The following DNASE1L1 variants were observed in gnomAD, a reference collection of about 807,000 sequenced individuals.
DNASE1L1 encodes deoxyribonuclease-1-like 1.
In DNASE1L1, 8 loss-of-function variants were observed where a neutral mutation model predicts 18.6. The observed-to-expected ratio is 0.43, with a 90% CI of 0.25 to 0.78. The LOEUF is 0.78. Among genes scored for constraint, DNASE1L1 ranks in the 30% least tolerant of loss-of-function variants. The pLI, the probability that DNASE1L1 is intolerant of heterozygous loss-of-function variation, is 0.23. For synonymous variants in DNASE1L1, 114 were observed against 114.2 expected (o/e 1.00, Z 0.01); for missense variants, 214 against 258.2 (o/e 0.83, Z 1.17).
chrX:154,403,658 C>A, intron 4 of DNASE1L1, 36 bp from the exon 5 acceptor site: 2 of 1,167,904 alleles, frequency 1.7e-6, no homozygotes, highest in Non-Finnish European at 2.3e-6. Flanking sequence ...AGTGGCCCCA[C>A]GTCTTTGATT....
chrX:154,409,463 T>C, upstream of DNASE1L1: 1 of 128,411 alleles, frequency 7.8e-6, no homozygotes, highest in South Asian at 2.0e-4. Context: ...GGTGCCTGAG[T>C]GAGACCCCGA....
At chrX:154,408,848 A>G in intron 1 of DNASE1L1, 3 of 134,348 alleles carry the variant, frequency 2.2e-5, no homozygotes, top group Non-Finnish European at 4.5e-5. Flanking sequence ...TGGGTTCCCT[A>G]CCCTGGTGCC....
intron 4 of DNASE1L1, 58 bp downstream of exon 4, chrX:154,404,770 C>T: frequency 9.0e-7 from 1 of 1,107,148 alleles, no homozygotes; most frequent in Non-Finnish European, 1.2e-6. Flanking sequence ...ATGAGCCTAC[C>T]TCACATTAGG....
upstream of DNASE1L1, chrX:154,411,771 G>C (rs991769534): frequency 2.8e-5 from 28 of 990,062 alleles, no homozygotes; most frequent in Non-Finnish European, 3.4e-5. Flanking sequence ...TCGAGCGGTC[G>C]AGGTCGCAGA....
At chrX:154,407,482 G>A (rs1314320643) in intron 1 of DNASE1L1, among the ~76,000 whole-genome samples, 8 of 106,020 alleles carry the variant, frequency 7.5e-5, no homozygotes, top group Non-Finnish European at 1.4e-4. Flanking sequence ...CAGGTGATCA[G>A]CCGGCCTTGG....
intron 2 of DNASE1L1, 43 bp downstream of exon 2, chrX:154,405,391 C>T: frequency 8.7e-7 from 1 of 1,155,900 alleles, no homozygotes; most frequent in East Asian, 3.1e-5. Context: ...GGCTTTGGCT[C>T]ATGGTGGTTA....
chrX:154,401,745 T>G lies in DNASE1L1; in HGVS notation c.*962A>C, dbSNP rs2068041620. The G allele has an allele frequency of 8.9e-6, 1 of 112,419 alleles. No individual in the cohort carries two copies. Among genetic ancestry groups the G allele is most frequent in the South Asian group, 3.6e-4 (1 of 2,752 alleles). The allele number at this position is 112,419 out of a possible 1,213,427, so 9.3% of individuals were successfully genotyped here. On this transcript the variant is annotated 3_prime_UTR_variant, in exon 8 of 8. Transcript: ENST00000369807. ...GCCTCTGGTTTTTTGTAATCTCAGT[T>G]TACAGCCATTTCTTAGGTTTTTAAT...
upstream of DNASE1L1, chrX:154,409,742 T>TG (rs1228345388): frequency 8.9e-6 from 1 of 112,392 alleles, no homozygotes; most frequent in Non-Finnish European, 1.9e-5. Flanking sequence ...AAGGGAGGAC[T>TG]GAGGATCTGC....
At chrX:154,404,293 C>A (rs1557187844) in intron 4 of DNASE1L1, among the ~76,000 whole-genome samples, 1 of 109,950 alleles carries the variant, frequency 9.1e-6, no homozygotes, top group Non-Finnish European at 1.9e-5. Context: ...GTTGGGATTA[C>A]AGGCATGAGC....
rs144083181 is a variant in DNASE1L1 at position 154,403,446 on chromosome X, G to A, written c.413-65C>T. On this transcript the variant is annotated intron_variant, in intron 5 of 7. Coordinates refer to ENST00000369807, the MANE Select transcript of DNASE1L1 (RefSeq NM_001303620.2). ...GACCTTCTCCCCCTAGCCCGTCTGG[G>A]TGAGGAAGCCCCCAGTGGAGCCAGC... 10 of 1,194,368 alleles carry A rather than the reference G, an allele frequency of 8.4e-6. No individual in the cohort carries two copies. The East Asian group carries it at 1.5e-4, about 18-fold the overall frequency.
intron 1 of DNASE1L1, among the ~76,000 whole-genome samples, chrX:154,407,761 C>T (rs2068188003): frequency 1.2e-5 from 1 of 81,539 alleles, no homozygotes; most frequent in African/African-American, 5.4e-5. Flanking sequence ...GCGCCCGGCC[C>T]CCCCCCTTTT....
Position 154,405,441 on chromosome X carries a change from A to G in DNASE1L1, c.128T>C (p.Leu43Ser). 2 of 1,189,796 alleles carry G rather than the reference A, an allele frequency of 1.7e-6. No individual in the cohort carries two copies. The highest frequency in any genetic ancestry group is 2.3e-6 in the Non-Finnish European group (2 of 880,607). The change falls in exon 2 of 8, where the codon TTA becomes TCA. Residue 43 changes from leucine to serine, a missense_variant. Coordinates refer to ENST00000369807, the MANE Select transcript of DNASE1L1 (RefSeq NM_001303620.2). Reference protein sequence around the residue: ...KVAREQVMDTLVRILARCDIM... With the variant: ...KVAREQVMDTSVRILARCDIM... Reference sequence around the variant, plus strand: ...CTGAAGTGATGAACTTACCCGAACTAAGGTGTCCATCACCTGCTCCCTGGC... The same window carrying G: ...CTGAAGTGATGAACTTACCCGAACTGAGGTGTCCATCACCTGCTCCCTGGC...
intron 1 of DNASE1L1, among the ~76,000 whole-genome samples, chrX:154,406,762 A>C (rs1028873132): frequency 9.9e-6 from 1 of 101,131 alleles, no homozygotes; most frequent in East Asian, 3.0e-4. Context: ...CTCCTGCCTC[A>C]GCCTGCTAAA....
chrX:154,406,928 G>A (rs2068165800), intron 1 of DNASE1L1, among the ~76,000 whole-genome samples: 1 of 111,562 alleles, frequency 9.0e-6, no homozygotes, highest in Non-Finnish European at 1.9e-5. Context: ...ATACCCAGAA[G>A]TGGAATTGCT....
At chrX:154,409,258 T>C (rs1170344764), upstream of DNASE1L1, 2 of 249,453 alleles carry the variant, frequency 8.0e-6, no homozygotes, top group Non-Finnish European at 1.6e-5. Context: ...AGGAAGGGCC[T>C]GGCTGGGCCG....
In DNASE1L1 at chrX:154,403,080, A is replaced by G. The variant is rs782456196; in HGVS notation, c.636T>C (p.Asp212=). Residue 212 remains aspartate (D), a synonymous_variant, in exon 7 of 8, where the codon GAT becomes GAC. Coordinates refer to ENST00000369807, the MANE Select transcript of DNASE1L1 (RefSeq NM_001303620.2). ...TEPGFHWVIA[D]GEDTTVRAST... ...TGGCCCGCACTGTGGTGTCCTCCCC[A>G]TCGGCAATCACCCAGTGGAAGCCTG... 4 of 1,211,409 alleles carry G rather than the reference A, an allele frequency of 3.3e-6. No homozygotes were observed. The highest frequency in any genetic ancestry group is 3.0e-5 in the East Asian group (1 of 33,855).
rs1557187016 is a variant in DNASE1L1 at position 154,402,670 on chromosome X, C to A, written c.*37G>T. The A allele has an allele frequency of 8.5e-7, 1 of 1,179,235 alleles. No individual in the cohort carries two copies. Among genetic ancestry groups the A allele is most frequent in the East Asian group, 3.0e-5 (1 of 32,881 alleles). On this transcript the variant is annotated 3_prime_UTR_variant, in exon 8 of 8. Coordinates refer to ENST00000369807, the MANE Select transcript of DNASE1L1 (RefSeq NM_001303620.2). ...GACGGGGGAGGCTGGGGTTTAAGTC[C>A]CAAAAGGCAGCAGGCCCTGGGGGGG...
chrX:154,412,100 C>A (rs2068326989), upstream of DNASE1L1: 1 of 1,208,770 alleles, frequency 8.3e-7, no homozygotes, highest in Non-Finnish European at 1.1e-6. Flanking sequence ...CATGAACCAC[C>A]TGACCGTGCA....
rs1922683525 is a variant in DNASE1L1 at position 154,402,059 on chromosome X, C to T, written c.*648G>A. 8.9e-6 allele frequency: 1 copy of T among 112,405 alleles called. No homozygotes were observed. The highest frequency in any genetic ancestry group is 1.9e-5 in the Non-Finnish European group (1 of 53,345). 9.3% of individuals were successfully genotyped at this position (112,405 alleles called of 1,213,427 possible). On this transcript the variant is annotated 3_prime_UTR_variant, in exon 8 of 8. Transcript: ENST00000369807. ...CAGATTTTCTGTGTGGAGATGTTGC[C>T]TTGACCAGCCTTGGCTGGACTTTAC... is the stretch of plus-strand genomic sequence containing the variant.
Sources: gnomAD v4.1 joint callset for allele counts (sites outside exome capture counted in the v4.1 genomes callset) on GRCh38, gnomAD v4.1.1 for gene constraint, MANE v1.5 for transcripts, NCBI Gene and HGNC (gene_info 2026-07-23, HGNC 2026-07-21) for gene names.